The following LSM14A variants were observed in gnomAD, a reference collection of about 807,000 sequenced individuals.
LSM14A encodes the protein protein LSM14 homolog A.
Under a neutral mutation model 52.4 loss-of-function variants are expected in LSM14A, and 14 were observed. The ratio of observed to expected loss-of-function variants is 0.27; its 90% CI spans 0.18 to 0.42. The LOEUF (loss-of-function observed/expected upper bound fraction) is 0.42, where lower values mean the gene tolerates loss of function less well. Ranked by LOEUF, LSM14A falls within the 10% of genes least tolerant of loss-of-function variation. The probability of loss-of-function intolerance (pLI) is 1.00; values close to 1 mark genes in which losing one functional copy is unlikely to be tolerated. For missense variants in LSM14A, 417 were observed against 581.8 expected, an observed-to-expected ratio of 0.72 and a Z score of 2.91; for synonymous variants, 185 against 200.3, an observed-to-expected ratio of 0.92 and a Z score of 0.64.
intron 3 of LSM14A, among the ~76,000 whole-genome samples, chr19:34,204,520 TG>T (rs1331955035): frequency 2.0e-5 from 3 of 147,168 alleles, no homozygotes; most frequent in Non-Finnish European, 3.0e-5. Flanking sequence ...AAGACCAGCC[TG>T]GGGAACATAG....
intron 3 of LSM14A, among the ~76,000 whole-genome samples, chr19:34,207,275 GAGC>G (rs1203147939): frequency 6.6e-6 from 1 of 152,170 alleles, no homozygotes; most frequent in African/African-American, 2.4e-5. Flanking sequence ...AGGAAACACA[GAGC>G]AGCCTGGAGA....
At chr19:34,196,882 G>T in intron 3 of LSM14A, 119 bp downstream of exon 3, 2 of 865,236 alleles carry the variant, frequency 2.3e-6, no homozygotes, top group Non-Finnish European at 3.4e-6. Flanking sequence ...TTGTAACTTT[G>T]TTTTATGGTA....
chr19:34,183,923 A>G (rs1396309229), intron 1 of LSM14A, among the ~76,000 whole-genome samples: 1 of 152,196 alleles, frequency 6.6e-6, no homozygotes, highest in Admixed American at 6.5e-5. Flanking sequence ...TTGTGTATCC[A>G]TCACCACAGT....
chr19:34,209,456 G>A (rs1260637), intron 4 of LSM14A, among the ~76,000 whole-genome samples: 52,433 of 152,034 alleles, frequency 0.34, 9,472 homozygotes, highest in African/African-American at 0.38. Context: ...ACAGGATGGA[G>A]AGTAGTGGTT....
chr19:34,226,795 T>C (rs916482619), intron 9 of LSM14A, among the ~76,000 whole-genome samples: 2 of 152,234 alleles, frequency 1.3e-5, no homozygotes, highest in African/African-American at 4.8e-5. Flanking sequence ...TTTTTATTGC[T>C]TCCTCACTGG....
intron 3 of LSM14A, among the ~76,000 whole-genome samples, chr19:34,197,233 G>A (rs545266660): frequency 4.6e-5 from 7 of 151,556 alleles, no homozygotes; most frequent in East Asian, 3.9e-4. Flanking sequence ...CTGAGATTAC[G>A]ATATGCATCA....
chr19:34,216,330 G>A (rs921612004), intron 6 of LSM14A, among the ~76,000 whole-genome samples: 5 of 151,566 alleles, frequency 3.3e-5, no homozygotes, highest in East Asian at 2.0e-4. Context: ...GGAGAATGGC[G>A]TGAACTGGGG....
At chr19:34,186,980 C>T (rs1352143511) in intron 1 of LSM14A, among the ~76,000 whole-genome samples, 3 of 151,764 alleles carry the variant, frequency 2.0e-5, no homozygotes, top group Non-Finnish European at 4.4e-5. Flanking sequence ...TGGCTCACAC[C>T]TGTCATCCCA....
chr19:34,172,582 G>C lies in LSM14A; in HGVS notation c.-61G>C. ...GACGGAGCGAGCGGGCGTGCGGAGC[G>C]GGCGACAGTGGCGTGGGATCTGCCT... is the stretch of plus-strand genomic sequence containing the variant. On this transcript the variant is annotated 5_prime_UTR_variant, in exon 1 of 10. Coordinates refer to ENST00000544216, the MANE Select transcript of LSM14A (RefSeq NM_015578.4). 2 of 1,482,802 alleles carry C rather than the reference G, an allele frequency of 1.3e-6. No individual in the cohort carries two copies. The highest frequency in any genetic ancestry group is 1.3e-5 in the South Asian group (1 of 76,930). 91.9% of individuals were successfully genotyped at this position (1,482,802 alleles called of 1,614,324 possible).
At chr19:34,225,897 A>G (rs769280195) in intron 9 of LSM14A, among the ~76,000 whole-genome samples, 3 of 152,074 alleles carry the variant, frequency 2.0e-5, no homozygotes, top group Admixed American at 6.5e-5. Context: ...CCCTATCTCT[A>G]TAAAAAAGTT....
intron 8 of LSM14A, 73 bp from the exon 9 acceptor site, chr19:34,221,434 T>C: frequency 1.4e-6 from 2 of 1,470,882 alleles, no homozygotes; most frequent in Non-Finnish European, 1.8e-6. Context: ...AATTTGGGAG[T>C]AGCACTGCAT....
intron 9 of LSM14A, among the ~76,000 whole-genome samples, chr19:34,222,650 G>A (rs573604422): frequency 1.3e-5 from 2 of 152,252 alleles, no homozygotes; most frequent in South Asian, 4.2e-4. Context: ...AGATCTCTCT[G>A]GAAAGAGATC....
At chr19:34,225,835 C>T (rs1333224420) in intron 9 of LSM14A, among the ~76,000 whole-genome samples, 1 of 152,084 alleles carries the variant, frequency 6.6e-6, no homozygotes, top group Non-Finnish European at 1.5e-5. Flanking sequence ...GAGGCCAGGG[C>T]AGGATTGCTT....
rs1053611656 is a variant in LSM14A at position 34,228,403 on chromosome 19, C to T, written c.*1015C>T. 1 of 152,592 alleles carries T rather than the reference C, an allele frequency of 6.6e-6. No individual in the cohort carries two copies. Among genetic ancestry groups the T allele is most frequent in the Non-Finnish European group, 1.5e-5 (1 of 68,036 alleles). 9.5% of individuals were successfully genotyped at this position (152,592 alleles called of 1,614,324 possible). A position where few individuals can be genotyped will look rare whatever the true frequency, so the allele number is the denominator to read the frequency against. The stretch of plus-strand genomic sequence containing the variant: ...TATTTTCAAATAAGTAATCTTCCCC[C>T]CTTTTGTAGGACTTTAAAACTAGGC... On this transcript the variant is annotated 3_prime_UTR_variant, in exon 10 of 10. Coordinates refer to ENST00000544216, the MANE Select transcript of LSM14A (RefSeq NM_015578.4).
At chr19:34,196,830 A>C (rs2070876885) in intron 3 of LSM14A, 67 bp downstream of exon 3, 5 of 1,368,162 alleles carry the variant, frequency 3.7e-6, no homozygotes, top group Non-Finnish European at 5.0e-6. Context: ...AAAGGTATAG[A>C]AACTCAACAC....
chr19:34,199,595 T>C (rs1209784980), intron 3 of LSM14A, among the ~76,000 whole-genome samples: 1 of 152,136 alleles, frequency 6.6e-6, no homozygotes, highest in African/African-American at 2.4e-5. Flanking sequence ...AGATGGTATG[T>C]GTATGGACTC....
At chr19:34,226,013 G>A (rs2073317700) in intron 9 of LSM14A, among the ~76,000 whole-genome samples, 1 of 151,796 alleles carries the variant, frequency 6.6e-6, no homozygotes, top group African/African-American at 2.4e-5. Flanking sequence ...AGTGAGCCAT[G>A]ATCGCACCAC....
At chr19:34,199,435 G>GT (rs1428071855) in intron 3 of LSM14A, among the ~76,000 whole-genome samples, 1 of 152,136 alleles carries the variant, frequency 6.6e-6, no homozygotes, top group Non-Finnish European at 1.5e-5. Context: ...CCAGCCAGGT[G>GT]TTAATTCTTA....
intron 1 of LSM14A, among the ~76,000 whole-genome samples, chr19:34,175,879 A>T (rs2069053963): frequency 6.6e-6 from 1 of 151,886 alleles, no homozygotes; most frequent in African/African-American, 2.4e-5. Context: ...TTGTTTTGAG[A>T]CAGAGTCTTG....
Sources: gnomAD v4.1 joint callset for allele counts (sites outside exome capture counted in the v4.1 genomes callset) on GRCh38, gnomAD v4.1.1 for gene constraint, MANE v1.5 for transcripts, NCBI Gene and HGNC (gene_info 2026-07-23, HGNC 2026-07-21) for gene names.